The following KIAA0232 variants were observed in gnomAD, a reference collection of about 807,000 sequenced individuals.
KIAA0232 encodes KIAA0232, also known as uncharacterized protein KIAA0232.
In KIAA0232, 27 loss-of-function variants were observed where a neutral mutation model predicts 122.0. The observed-to-expected ratio is 0.22, with a 90% confidence interval of 0.16 to 0.31. The LOEUF (loss-of-function observed/expected upper bound fraction) is 0.31, where lower values mean the gene tolerates loss of function less well. Ranked by LOEUF, KIAA0232 falls within the 10% of genes least tolerant of loss-of-function variation. The pLI is 1.00. For missense variants in KIAA0232, 1,551 were observed against 1,634.2 expected, an observed-to-expected ratio of 0.95 and a Z score of 0.88; for synonymous variants, 613 against 587.6, an observed-to-expected ratio of 1.04 and a Z score of -0.63.
At chr4:6,811,497 C>A (rs762818093) in intron 2 of KIAA0232, among the ~76,000 whole-genome samples, 1 of 152,174 alleles carries the variant, frequency 6.6e-6, no homozygotes. Context: ...GGCTGGAGTG[C>A]TTTGGCATGA....
chr4:6,816,954 C>T (rs768488428), intron 2 of KIAA0232, among the ~76,000 whole-genome samples: 4 of 152,082 alleles, frequency 2.6e-5, no homozygotes, highest in Non-Finnish European at 5.9e-5. Flanking sequence ...TCTCTCATTC[C>T]TGATACTGGT....
At chr4:6,857,554 C>A (rs1322873359) in intron 5 of KIAA0232, among the ~76,000 whole-genome samples, 1 of 152,146 alleles carries the variant, frequency 6.6e-6, no homozygotes, top group East Asian at 1.9e-4. Flanking sequence ...GCTCAGAGAT[C>A]AGGAACAATA....
chr4:6,786,882 T>TA (rs1560156730), intron 1 of KIAA0232, among the ~76,000 whole-genome samples: 1 of 152,120 alleles, frequency 6.6e-6, no homozygotes, highest in Non-Finnish European at 1.5e-5. Context: ...AGCACAAGGT[T>TA]AAAAATATTC....
In KIAA0232 at chr4:6,811,747, ATTTTTTTTTTTT is replaced by A. The variant is rs10709832; in HGVS notation, c.-270+7155_-270+7166del. Among the ~76,000 whole-genome samples the A allele has an allele frequency of 2.2e-4, 23 of 103,894 alleles. No homozygotes were observed. In the South Asian group the frequency reaches 3.2e-3, roughly 15 times the overall value. The allele number at this position is 103,894 out of a possible 152,430, so 68.2% of individuals were successfully genotyped here. A position where few individuals can be genotyped will look rare whatever the true frequency, so the allele number is the denominator to read the frequency against. ...GGTGTGAGCCACTGTGCCTGGCCTA[ATTTTTTTTTTTT>A]TTTTTTTTTTTTTAAGATATAAACC... is the stretch of plus-strand genomic sequence containing the variant. On this transcript the variant is annotated intron_variant, in intron 2 of 9. Coordinates refer to ENST00000307659, the MANE Select transcript of KIAA0232 (RefSeq NM_014743.3).
chr4:6,788,276 C>T (rs539232981), intron 1 of KIAA0232, among the ~76,000 whole-genome samples: 3 of 152,228 alleles, frequency 2.0e-5, no homozygotes, highest in East Asian at 1.9e-4. Context: ...CCTTGGCCTC[C>T]GAAAGTGCCG....
chr4:6,790,367 T>A (rs1007778536), intron 1 of KIAA0232, among the ~76,000 whole-genome samples: 3 of 140,442 alleles, frequency 2.1e-5, no homozygotes, highest in Non-Finnish European at 1.6e-5. Flanking sequence ...TTTTATTTAA[T>A]TTTTTTTTTT....
At chr4:6,797,193 A>G (rs1386366486) in intron 1 of KIAA0232, among the ~76,000 whole-genome samples, 1 of 152,212 alleles carries the variant, frequency 6.6e-6, no homozygotes, top group Non-Finnish European at 1.5e-5. Context: ...AGAAACTGTC[A>G]TGGAAACTGA....
At chr4:6,879,529 T>C (rs930188212) in intron 9 of KIAA0232, among the ~76,000 whole-genome samples, 74 of 152,310 alleles carry the variant, frequency 4.9e-4, no homozygotes, top group African/African-American at 1.6e-3. Context: ...CCTTACTCTG[T>C]GTGGCTTTTC....
At chr4:6,846,942 T>C (rs1719998555) in intron 4 of KIAA0232, among the ~76,000 whole-genome samples, 1 of 152,164 alleles carries the variant, frequency 6.6e-6, no homozygotes, top group Admixed American at 6.5e-5. Flanking sequence ...CCAAATGCCC[T>C]CTTAAAAGTG....
At chr4:6,796,083 A>C (rs1205977576) in intron 1 of KIAA0232, among the ~76,000 whole-genome samples, 1 of 152,184 alleles carries the variant, frequency 6.6e-6, no homozygotes, top group African/African-American at 2.4e-5. Context: ...TTTGTGCGTA[A>C]GTGAGCTGCA....
chr4:6,800,789 A>G (rs1026818434), intron 1 of KIAA0232, among the ~76,000 whole-genome samples: 20 of 152,198 alleles, frequency 1.3e-4, no homozygotes, highest in African/African-American at 4.3e-4. Context: ...AACATTTTAT[A>G]TAGTTTTGGG....
At chr4:6,838,954 C>A (rs1220036656) in intron 3 of KIAA0232, among the ~76,000 whole-genome samples, 2 of 152,088 alleles carry the variant, frequency 1.3e-5, no homozygotes, top group African/African-American at 4.8e-5. Context: ...CATGGCAAAA[C>A]CCCATCTCCA....
intron 3 of KIAA0232, among the ~76,000 whole-genome samples, chr4:6,837,677 C>G (rs937834292): frequency 1.3e-5 from 2 of 152,202 alleles, no homozygotes; most frequent in African/African-American, 4.8e-5. Flanking sequence ...CTCGGGAGGC[C>G]GAAGCTGGCA....
chr4:6,875,032 A>G (rs1370802267), intron 8 of KIAA0232, among the ~76,000 whole-genome samples: 2 of 152,194 alleles, frequency 1.3e-5, no homozygotes, highest in Non-Finnish European at 1.5e-5. Context: ...CTCAGCCAGT[A>G]TAAGTGGTGG....
chr4:6,832,067 T>C (rs6833118), intron 3 of KIAA0232, among the ~76,000 whole-genome samples: 134,765 of 152,206 alleles, frequency 0.89, 60,052 homozygotes, highest in Non-Finnish European at 0.94. Flanking sequence ...TGTGTCGTTA[T>C]TGGCTTTTCT....
intron 4 of KIAA0232, among the ~76,000 whole-genome samples, chr4:6,853,091 A>T (rs1720381057): frequency 6.6e-6 from 1 of 152,174 alleles, no homozygotes; most frequent in African/African-American, 2.4e-5. Context: ...AGACACCATA[A>T]TGAAAATTGG....
At chr4:6,870,447 C>T (rs1721413536) in intron 7 of KIAA0232, among the ~76,000 whole-genome samples, 1 of 152,194 alleles carries the variant, frequency 6.6e-6, no homozygotes, top group South Asian at 2.1e-4. Flanking sequence ...CCTTAGTTTC[C>T]TTCTGGTTCG....
Position 6,861,510 on chromosome 4 carries a change from A to G in KIAA0232, c.1128A>G (p.Lys376=), listed in dbSNP as rs1363401899. Residue 376 remains lysine, a synonymous_variant, in exon 7 of 10, where the codon AAA becomes AAG. Coordinates refer to ENST00000307659, the MANE Select transcript of KIAA0232 (RefSeq NM_014743.3). ...GACCTTTAAAAGAAATAGGGAGAAAAGATCCTGGGAGCACTGAAGGAAAAG... is the reference window on the plus strand; with the variant it reads ...GACCTTTAAAAGAAATAGGGAGAAAGGATCCTGGGAGCACTGAAGGAAAAG... ...GKRPLKEIGR[K]DPGSTEGKDL... The G allele has an allele frequency of 1.9e-6, 3 of 1,614,014 alleles. No individual in the cohort carries two copies. The highest frequency in any genetic ancestry group is 1.7e-6 in the Non-Finnish European group (2 of 1,180,030).
At chr4:6,792,976 G>A (rs560708549) in intron 1 of KIAA0232, among the ~76,000 whole-genome samples, 14 of 152,164 alleles carry the variant, frequency 9.2e-5, no homozygotes, top group Middle Eastern at 3.4e-3. Context: ...ATGAGCCACC[G>A]TGCTCGGCCA....
Sources: gnomAD v4.1 joint callset for allele counts (sites outside exome capture counted in the v4.1 genomes callset) on GRCh38, gnomAD v4.1.1 for gene constraint, MANE v1.5 for transcripts, NCBI Gene and HGNC (gene_info 2026-07-23, HGNC 2026-07-21) for gene names.